METTL16: variants seen among roughly 807,000 people sequenced by gnomAD.
The protein encoded by METTL16 is RNA N(6)-adenosine-methyltransferase METTL16.
A neutral mutation model predicts 57.9 loss-of-function variants in METTL16; 19 were observed. That is an observed-to-expected ratio of 0.33 (90% CI 0.23 to 0.48). The LOEUF (loss-of-function observed/expected upper bound fraction) is 0.48, where lower values mean the gene tolerates loss of function less well. Among genes scored for constraint, METTL16 ranks in the 20% least tolerant of loss-of-function variants. The pLI, the probability that METTL16 is intolerant of heterozygous loss-of-function variation, is 0.99. For synonymous variants in METTL16, 246 were observed against 255.6 expected (o/e 0.96, Z 0.36); for missense variants, 434 against 691.5 (o/e 0.63, Z 4.18).
At position 2,419,625 on chromosome 17, in the gene METTL16, T is replaced by C. The variant is rs1048134653; in HGVS notation, c.*345A>G. ...GACAGCATGATATTCTAGGCAGTGC[T>C]GCCCAGCCCAGACTCCACAAACAAC... On this transcript the variant is annotated 3_prime_UTR_variant, in exon 10 of 10. Coordinates refer to ENST00000263092, the MANE Select transcript of METTL16 (RefSeq NM_024086.4). 3.4e-5 allele frequency: 17 copies of C among 503,248 alleles called. No individual in the cohort carries two copies. The highest frequency in any genetic ancestry group is 6.6e-5 in the Non-Finnish European group (17 of 258,504). 31.2% of individuals were successfully genotyped at this position (503,248 alleles called of 1,614,324 possible). A position where few individuals can be genotyped will look rare whatever the true frequency, so the allele number is the denominator to read the frequency against.
chr17:2,463,619 A>G lies in METTL16; in HGVS notation c.728+589T>C, dbSNP rs532761527. ...TGGGACTACAGGCACCCACCACCAC[A>G]CCCAGCTCATTTTTATATTTTTAGT... On this transcript the variant is annotated intron_variant, in intron 6 of 9. Transcript: ENST00000263092. Among the ~76,000 whole-genome samples, 9 of 151,256 alleles carry G rather than the reference A, an allele frequency of 6.0e-5. No individual in the cohort carries two copies. The South Asian group carries it at 8.4e-4, about 14-fold the overall frequency.
At chr17:2,487,952 C>T (rs2067355699) in intron 2 of METTL16, among the ~76,000 whole-genome samples, 1 of 151,872 alleles carries the variant, frequency 6.6e-6, no homozygotes, top group African/African-American at 2.4e-5. Context: ...CTACAGTGAG[C>T]TGTGATCGCA....
chr17:2,460,675 C>T (rs1013386394), intron 6 of METTL16, among the ~76,000 whole-genome samples: 4 of 152,138 alleles, frequency 2.6e-5, no homozygotes, highest in Non-Finnish European at 4.4e-5. Flanking sequence ...CACCTGAGGT[C>T]GGGAGTTCAA....
At chr17:2,466,459 A>G (rs1427044846) in intron 5 of METTL16, among the ~76,000 whole-genome samples, 1 of 152,212 alleles carries the variant, frequency 6.6e-6, no homozygotes, top group Non-Finnish European at 1.5e-5. Flanking sequence ...AATACTGCCA[A>G]CACCTTAATC....
intron 6 of METTL16, among the ~76,000 whole-genome samples, chr17:2,444,256 C>T (rs529758243): frequency 6.6e-6 from 1 of 152,170 alleles, no homozygotes; most frequent in East Asian, 1.9e-4. Context: ...TCGAGACTAG[C>T]TTGGCCAACA....
chr17:2,501,955 G>A lies in METTL16; in HGVS notation c.128+249C>T, dbSNP rs139523537. Among the ~76,000 whole-genome samples, 193 of 152,118 alleles carry A rather than the reference G, an allele frequency of 1.3e-3. 1 individual carries two copies. Among genetic ancestry groups the A allele is most frequent in the Non-Finnish European group, 2.4e-3 (164 of 68,018 alleles). On this transcript the variant is annotated intron_variant, in intron 2 of 9. Coordinates refer to ENST00000263092, the MANE Select transcript of METTL16 (RefSeq NM_024086.4). ...TCTCTGAAGTTACTCTGGGATTTCC[G>A]TAGGGTAAGCAACAATTTGGACATC...
chr17:2,459,551 A>G (rs1433476119), intron 6 of METTL16, among the ~76,000 whole-genome samples: 2 of 152,252 alleles, frequency 1.3e-5, no homozygotes, highest in African/African-American at 4.8e-5. Flanking sequence ...CTTCAGGGAC[A>G]AGGAGAAAAA....
intron 2 of METTL16, among the ~76,000 whole-genome samples, chr17:2,486,522 C>G (rs147336705): frequency 6.6e-6 from 1 of 151,996 alleles, no homozygotes; most frequent in South Asian, 2.1e-4. Context: ...CTGCCCGCCT[C>G]GACCTCCCAA....
chr17:2,438,374 C>G (rs1444151715), intron 7 of METTL16, among the ~76,000 whole-genome samples, 176 bp from the exon 8 acceptor site: 1 of 152,192 alleles, frequency 6.6e-6, no homozygotes, highest in Non-Finnish European at 1.5e-5. Flanking sequence ...CATCTCTCAA[C>G]AAAGTTATAT....
intron 2 of METTL16, among the ~76,000 whole-genome samples, chr17:2,485,930 T>G (rs1443624595): frequency 6.6e-6 from 1 of 152,140 alleles, no homozygotes; most frequent in African/African-American, 2.4e-5. Context: ...GAGGCTTCCC[T>G]GCACAGACAA....
intron 4 of METTL16, among the ~76,000 whole-genome samples, chr17:2,468,438 A>G (rs2067216186): frequency 6.6e-6 from 1 of 152,114 alleles, no homozygotes; most frequent in Admixed American, 6.6e-5. Context: ...TTGGAAGCAA[A>G]TCTCTACCAC....
chr17:2,456,125 G>A (rs1400448219), intron 6 of METTL16, among the ~76,000 whole-genome samples: 1 of 152,084 alleles, frequency 6.6e-6, no homozygotes, highest in Non-Finnish European at 1.5e-5. Flanking sequence ...TCACAACTGG[G>A]AAATGTTCCT....
At chr17:2,427,924 G>A (rs1381766270) in intron 8 of METTL16, among the ~76,000 whole-genome samples, 9 of 146,574 alleles carry the variant, frequency 6.1e-5, no homozygotes, top group Admixed American at 2.8e-4. Context: ...GACCAGCTTG[G>A]GCAACATGGC....
intron 6 of METTL16, among the ~76,000 whole-genome samples, chr17:2,453,517 A>C (rs2151557917): frequency 6.6e-6 from 1 of 152,300 alleles, no homozygotes; most frequent in East Asian, 1.9e-4. Context: ...TTGTCCTTCC[A>C]GGTGCGTCAC....
intron 8 of METTL16, among the ~76,000 whole-genome samples, chr17:2,429,748 T>C (rs2151544373): frequency 6.6e-6 from 1 of 152,000 alleles, no homozygotes; most frequent in East Asian, 1.9e-4. Flanking sequence ...CAAAGTATTC[T>C]TGCTCCCCCT....
In METTL16 at chr17:2,420,885, C is replaced by T; in HGVS notation, c.908G>A (p.Arg303Lys). 1 of 1,613,340 alleles carries T rather than the reference C, an allele frequency of 6.2e-7. No homozygotes were observed. Among genetic ancestry groups the T allele is most frequent in the Non-Finnish European group, 8.5e-7 (1 of 1,179,782 alleles). Reference protein sequence around the residue: ...VTVPSPPSKRRKLEKPRKPIT... With the variant: ...VTVPSPPSKRKKLEKPRKPIT... ...GGGTTTTCTCGGTTTCTCTAATTTTCTTCGCTTACTTGGTGGTGACTGCAA... is the reference window on the plus strand; with the variant it reads ...GGGTTTTCTCGGTTTCTCTAATTTTTTTCGCTTACTTGGTGGTGACTGCAA... The change falls in exon 9 of 10, where the codon AGA becomes AAA. Residue 303 changes from arginine (R) to lysine (K), a missense_variant. Physicochemically the swap from Arg to Lys is conservative, Grantham distance 26. Around this residue, in one of 5 missense-constraint regions of METTL16, gnomAD observed 96 missense variants for 138.3 expected, o/e 0.69. Transcript: ENST00000263092. This position sits in a 1 kb window ranked among gnomAD's most constrained non-coding sequence, Gnocchi z 5.4.
chr17:2,490,021 T>C (rs1007993962), intron 2 of METTL16, among the ~76,000 whole-genome samples: 2 of 152,122 alleles, frequency 1.3e-5, no homozygotes, highest in African/African-American at 4.8e-5. Flanking sequence ...CTCAATATAT[T>C]ACGTTTGAAA....
intron 8 of METTL16, among the ~76,000 whole-genome samples, chr17:2,430,592 AT>A (rs10718224): frequency 0.5 from 75,181 of 150,708 alleles, 20,289 homozygotes; most frequent in East Asian, 0.96. Flanking sequence ...ATTTTTTTGT[AT>A]TTTTTTAGTA....
chr17:2,506,625 G>T (rs4476212), intron 1 of METTL16, among the ~76,000 whole-genome samples: 141,242 of 151,472 alleles, frequency 0.93, 66,049 homozygotes, highest in African/African-American at 0.98. Flanking sequence ...TGGCGTAATC[G>T]CGGCTCGCTA....
Sources: gnomAD v4.1 joint callset for allele counts (sites outside exome capture counted in the v4.1 genomes callset) on GRCh38, gnomAD v4.1.1 for gene constraint, gnomAD v4.1.1 regional missense constraint, Gnocchi (gnomAD v3.1) non-coding constraint, MANE v1.5 for transcripts, NCBI Gene and HGNC (gene_info 2026-07-23, HGNC 2026-07-21) for gene names.